The following LCOR variants were observed in gnomAD, a reference collection of about 807,000 sequenced individuals.
The protein encoded by LCOR is ligand dependent nuclear receptor corepressor.
In LCOR, 14 loss-of-function variants were observed where a neutral mutation model predicts 64.4. The observed-to-expected ratio is 0.22, with a 90% CI of 0.14 to 0.34. The LOEUF is 0.34. LCOR is among the 10% of genes least tolerant of loss of function. The pLI is 1.00. For missense variants in LCOR, 1,686 were observed against 1,765.3 expected (o/e 0.96, Z 0.80); for synonymous variants, 643 against 642.5 (o/e 1.00, Z -0.01).
Position 96,995,014 on chromosome 10 carries a change from C to A in LCOR, c.*9880C>A, listed in dbSNP as rs1388761180. ...GGCTAGCATGAATGCCTTTGAGGGG[C>A]CAGGGGGCCATAGGAGGCCCATGCA... On this transcript the variant is annotated 3_prime_UTR_variant, in exon 8 of 8. Transcript: ENST00000421806. The surrounding 1 kb of genome is among the most constrained non-coding windows in gnomAD (Gnocchi z 4.2). 1 of 152,224 alleles carries A rather than the reference C, an allele frequency of 6.6e-6. No homozygotes were observed. The highest frequency in any genetic ancestry group is 1.5e-5 in the Non-Finnish European group (1 of 68,046). The allele number at this position is 152,224 out of a possible 1,614,324, so 9.4% of individuals were successfully genotyped here.
Position 96,900,916 on chromosome 10 carries a change from G to A in LCOR, c.-329-6349G>A, listed in dbSNP as rs1020844179. ...TTTTAAGAGATGGGGTCGGCCGGGC[G>A]CAGTGGCTCACACCTGTAATCCCAG... On this transcript the variant is annotated intron_variant, in intron 2 of 7. Coordinates refer to ENST00000421806, the MANE Select transcript of LCOR (RefSeq NM_001346516.2). Among the ~76,000 whole-genome samples, 8 of 148,834 alleles carry A rather than the reference G, an allele frequency of 5.4e-5. No homozygotes were observed. In the East Asian group the frequency reaches 1.6e-3, roughly 30 times the overall value.
At chr10:96,832,610 C>G (rs1845358454) in intron 1 of LCOR, among the ~76,000 whole-genome samples, 1 of 149,476 alleles carries the variant, frequency 6.7e-6, no homozygotes, top group Non-Finnish European at 1.5e-5. Context: ...GCCGGCCCCT[C>G]CCCTCCGCGC....
At chr10:96,878,882 T>C (rs997462405) in intron 2 of LCOR, among the ~76,000 whole-genome samples, 2 of 152,092 alleles carry the variant, frequency 1.3e-5, no homozygotes, top group Non-Finnish European at 2.9e-5. Context: ...AGCAGTGACC[T>C]CCCAGGCTCA....
At chr10:96,894,519 G>A (rs1462088996) in intron 2 of LCOR, among the ~76,000 whole-genome samples, 1 of 152,158 alleles carries the variant, frequency 6.6e-6, no homozygotes, top group African/African-American at 2.4e-5. Context: ...TTGAAAGCCA[G>A]ACTAAGCAGT....
chr10:96,869,581 T>C (rs1242155962), intron 2 of LCOR, among the ~76,000 whole-genome samples: 1 of 151,268 alleles, frequency 6.6e-6, no homozygotes, highest in Non-Finnish European at 1.5e-5. Flanking sequence ...TTTTTTTTTT[T>C]TTTTCTTTTT....
At chr10:96,920,579 T>G (rs182402459) in intron 4 of LCOR, among the ~76,000 whole-genome samples, 42 of 142,934 alleles carry the variant, frequency 2.9e-4, no homozygotes, top group African/African-American at 8.3e-4. Context: ...TGTATATTCA[T>G]ATATATGTGT....
intron 2 of LCOR, among the ~76,000 whole-genome samples, chr10:96,895,581 A>G (rs1180935189): frequency 6.6e-6 from 1 of 152,214 alleles, no homozygotes. Flanking sequence ...TTCTGTTAAA[A>G]TTCAAAATCC....
chr10:96,948,570 T>C (rs1847625096), intron 5 of LCOR, among the ~76,000 whole-genome samples: 1 of 152,258 alleles, frequency 6.6e-6, no homozygotes, highest in Admixed American at 6.5e-5. Flanking sequence ...GTCTTTAATA[T>C]AAAGTAAATT....
chr10:96,863,025 C>T (rs1173581878), intron 2 of LCOR, among the ~76,000 whole-genome samples: 5 of 151,008 alleles, frequency 3.3e-5, no homozygotes, highest in Non-Finnish European at 1.5e-5. Flanking sequence ...GGATTACAGG[C>T]ACCCACCACC....
At chr10:96,909,260 C>T (rs887036022) in intron 4 of LCOR, among the ~76,000 whole-genome samples, 47 of 152,152 alleles carry the variant, frequency 3.1e-4, no homozygotes, top group African/African-American at 1.1e-3. Flanking sequence ...ATTCATTAGC[C>T]TAACAGTGCC....
Position 96,944,134 on chromosome 10 carries a change from G to A in LCOR, c.-162G>A. On this transcript the variant is annotated 5_prime_UTR_variant, in exon 5 of 8. The change abolishes an upstream ATG in the 5' untranslated region. Transcript: ENST00000421806. ...GCAGGGACACTTAGTCGGTCTGGAT[G>A]AACCAGCTTCGGGAGCTGGGCAAGA... The A allele has an allele frequency of 1.0e-6, 1 of 985,730 alleles. No homozygotes were observed. The highest frequency in any genetic ancestry group is 1.2e-6 in the Non-Finnish European group (1 of 829,900). The allele number at this position is 985,730 out of a possible 1,614,324, so 61.1% of individuals were successfully genotyped here.
intron 4 of LCOR, among the ~76,000 whole-genome samples, chr10:96,930,585 TC>T (rs1847240856): frequency 6.6e-6 from 1 of 152,186 alleles, no homozygotes; most frequent in Admixed American, 6.6e-5. Context: ...CCGAATAACT[TC>T]CTAAAGCATT....
chr10:96,837,574 C>T lies in LCOR; in HGVS notation c.-330+4095C>T, dbSNP rs565404308. On this transcript the variant is annotated intron_variant, in intron 2 of 7. Coordinates refer to ENST00000421806, the MANE Select transcript of LCOR (RefSeq NM_001346516.2). ...CCGGCCGACAGATTCTTTTTTAAAC[C>T]ACCTTTACAGGGACAATATTATCAT... Among the ~76,000 whole-genome samples, 6 of 152,252 alleles carry T rather than the reference C, an allele frequency of 3.9e-5. No individual in the cohort carries two copies. The South Asian group carries it at 8.3e-4, about 21-fold the overall frequency.
chr10:96,887,018 C>T (rs1311692987), intron 2 of LCOR, among the ~76,000 whole-genome samples: 1 of 152,104 alleles, frequency 6.6e-6, no homozygotes, highest in Non-Finnish European at 1.5e-5. Context: ...GGTCCCTGGG[C>T]CCCTGGTGGT....
rs945151002 is a variant in LCOR, at chr10:96,988,148, G to A, written c.*3014G>A. ...TCAGGACACCCATCTTCTATCCTAC[G>A]AGACTCCCTGCTATAGATGGACATG... On this transcript the variant is annotated 3_prime_UTR_variant, in exon 8 of 8. Coordinates refer to ENST00000421806, the MANE Select transcript of LCOR (RefSeq NM_001346516.2). 1 of 152,162 alleles carries A rather than the reference G, an allele frequency of 6.6e-6. No homozygotes were observed. Among genetic ancestry groups the A allele is most frequent in the African/African-American group, 2.4e-5 (1 of 41,434 alleles). 9.4% of individuals were successfully genotyped at this position (152,162 alleles called of 1,614,324 possible).
chr10:96,840,510 G>T (rs1179365945), intron 2 of LCOR, among the ~76,000 whole-genome samples: 2 of 152,168 alleles, frequency 1.3e-5, no homozygotes, highest in African/African-American at 4.8e-5. Context: ...AAAAATGATG[G>T]CTGTAACTAG....
At chr10:96,845,699 C>T (rs1242668038) in intron 2 of LCOR, among the ~76,000 whole-genome samples, 1 of 151,064 alleles carries the variant, frequency 6.6e-6, no homozygotes, top group Non-Finnish European at 1.5e-5. Flanking sequence ...GATCTCCTGA[C>T]CTCGTGATCT....
chr10:96,873,590 G>A (rs1363305190), intron 2 of LCOR, among the ~76,000 whole-genome samples: 9 of 148,754 alleles, frequency 6.1e-5, no homozygotes, highest in African/African-American at 1.2e-4. Context: ...GTGTGTGTGT[G>A]TGTGTGTGTG....
intron 2 of LCOR, among the ~76,000 whole-genome samples, chr10:96,896,736 A>G (rs895130732): frequency 6.7e-6 from 1 of 149,896 alleles, no homozygotes; most frequent in African/African-American, 2.5e-5. Flanking sequence ...AAGTAATTTT[A>G]AAACAATCTA....
Sources: allele counts gnomAD v4.1 joint callset (sites outside exome capture counted in the v4.1 genomes callset), GRCh38; gene constraint gnomAD v4.1.1; non-coding constraint Gnocchi (gnomAD v3.1); transcripts MANE v1.5; gene names NCBI Gene and HGNC (gene_info 2026-07-23, HGNC 2026-07-21).